Variants in ULK1 observed in about 807,000 individuals in gnomAD.
ULK1 encodes the protein unc-51 like autophagy activating kinase 1, also known as serine/threonine-protein kinase ULK1.
A neutral mutation model predicts 117.5 loss-of-function variants in ULK1; 48 were observed. The ratio of observed to expected loss-of-function variants is 0.41; its 90% CI spans 0.32 to 0.52. The LOEUF (loss-of-function observed/expected upper bound fraction) is 0.52. Among genes scored for constraint, ULK1 ranks in the 20% least tolerant of loss-of-function variants. The pLI, the probability that ULK1 is intolerant of heterozygous loss-of-function variation, is 0.29. For synonymous variants in ULK1, 790 were observed against 637.8 expected, an observed-to-expected ratio of 1.24 and a Z score of -3.60; for missense variants, 1,387 against 1,473.4, an observed-to-expected ratio of 0.94 and a Z score of 0.96.
rs192966310 is a variant in ULK1 at position 131,920,974 on chromosome 12, T to C, written c.2962-126T>C. On this transcript the variant is annotated intron_variant, in intron 26 of 27. Transcript: ENST00000321867. ...GCACAGCAGGCTGCACCAGCACTTA[T>C]GTCTCCACGTCACTGCCCTGAGCGC... is the stretch of plus-strand genomic sequence containing the variant. 1.3e-4 allele frequency: 171 copies of C among 1,318,868 alleles called. No homozygotes were observed. The East Asian group carries it at 1.8e-3, about 14-fold the overall frequency. The allele number at this position is 1,318,868 out of a possible 1,614,324, so 81.7% of individuals were successfully genotyped here.
chr12:131,906,874 C>G lies in ULK1; in HGVS notation c.247-18C>G. On this transcript the variant is annotated intron_variant, in intron 3 of 27. Transcript: ENST00000321867. ...CGGTGGCACTGGGACCTCTCACAGC[C>G]TCTTTTCTGTCTTGCAGGAAATGGC... 3 of 1,614,060 alleles carry G rather than the reference C, an allele frequency of 1.9e-6. No individual in the cohort carries two copies. The highest frequency in any genetic ancestry group is 1.1e-5 in the South Asian group (1 of 91,090).
chr12:131,920,901 A>G, intron 26 of ULK1, 199 bp from the exon 27 acceptor site: 1 of 725,992 alleles, frequency 1.4e-6, no homozygotes, highest in Non-Finnish European at 2.2e-6. Context: ...GGCCAGGGTC[A>G]TCTGGTTCCA....
Position 131,917,438 on chromosome 12 carries a change from T to C in ULK1, c.2210T>C (p.Leu737Pro), listed in dbSNP as rs1233073183. The change falls in exon 22 of 28, where the codon CTG (leucine) becomes CCG (proline). Residue 737 changes from leucine (L) to proline (P), a missense_variant. Physicochemically the swap from Leu to Pro is moderately conservative, Grantham distance 98. Around this residue, in one of 4 missense-constraint regions of ULK1, gnomAD observed 900 missense variants for 858.9 expected, o/e 1.05. Coordinates refer to ENST00000321867, the MANE Select transcript of ULK1 (RefSeq NM_003565.4). ...CCCTCAGCTGGCTTTGGAGGGAGCCTGCACCCAGGAGCCCGTGCTGGGGGC... is the reference window on the plus strand; with the variant it reads ...CCCTCAGCTGGCTTTGGAGGGAGCCCGCACCCAGGAGCCCGTGCTGGGGGC... Reference protein sequence around the residue: ...IAPSAGFGGSLHPGARAGGTS... With the variant: ...IAPSAGFGGSPHPGARAGGTS... 1.9e-6 allele frequency: 3 copies of C among 1,542,056 alleles called. No homozygotes were observed. Among genetic ancestry groups the C allele is most frequent in the Non-Finnish European group, 1.7e-6 (2 of 1,144,886 alleles).
chr12:131,908,515 G>A, intron 5 of ULK1, 129 bp from the exon 6 acceptor site: 1 of 1,183,418 alleles, frequency 8.5e-7, no homozygotes, highest in Non-Finnish European at 1.1e-6. Flanking sequence ...TCCTGACCCG[G>A]GGTTTCCTCC....
At chr12:131,919,617 A>G (rs1890059049) in intron 25 of ULK1, 27 bp downstream of exon 25, 2 of 1,605,032 alleles carry the variant, frequency 1.2e-6, no homozygotes, top group South Asian at 1.1e-5. Context: ...CTCAGCCCAC[A>G]TGCCGGGTTG....
In ULK1 at chr12:131,906,664, A is replaced by T. The variant is rs1427616430; in HGVS notation, c.247-228A>T. On this transcript the variant is annotated intron_variant, in intron 3 of 27. Transcript: ENST00000321867. The stretch of plus-strand genomic sequence containing the variant: ...CAGGAGCTGTTGCTCTTATGGGGGG[A>T]CCAGGGGCCTTTGCCTTGATCAGAT... 9.4e-4 allele frequency: 557 copies of T among 594,240 alleles called. 4 individuals carry two copies. Among genetic ancestry groups the T allele is most frequent in the Middle Eastern group, 4.5e-4 (1 of 2,214 alleles). The allele number at this position is 594,240 out of a possible 1,614,324, so 36.8% of individuals were successfully genotyped here.
chr12:131,895,747 C>G (rs748659954), intron 2 of ULK1, 36 bp from the exon 3 acceptor site: 1 of 1,613,792 alleles, frequency 6.2e-7, no homozygotes, highest in Non-Finnish European at 8.5e-7. Context: ...AAGCCCCCCT[C>G]CCCACACTGA....
rs1361343352 is a variant in ULK1 at position 131,910,287 on chromosome 12, G to A, written c.842G>A (p.Ser281Asn). The A allele has an allele frequency of 6.2e-7, 1 of 1,613,800 alleles. No individual in the cohort carries two copies. The highest frequency in any genetic ancestry group is 8.5e-7 in the Non-Finnish European group (1 of 1,179,990). Reference sequence around the variant, plus strand: ...TTTCATCACCCTTTCCTCGATGCCAGCCCCTCGGTCAGGAAATGTGAGTTT... The same window carrying A: ...TTTCATCACCCTTTCCTCGATGCCAACCCCTCGGTCAGGAAATGTGAGTTT... ...EFFHHPFLDA[S>N]PSVRKSPPVP... The change falls in exon 11 of 28, where the codon AGC (serine) becomes AAC (asparagine). Residue 281 changes from serine (S) to asparagine (N), a missense_variant. Transcript: ENST00000321867.
In ULK1 at chr12:131,916,419, C is replaced by G; in HGVS notation, c.1900C>G (p.Pro634Ala). The change falls in exon 20 of 28, where the codon CCG becomes GCG. Residue 634 changes from proline (P) to alanine (A), a missense_variant. Physicochemically the swap from Pro to Ala is conservative, Grantham distance 27. Around this residue, in one of 4 missense-constraint regions of ULK1, gnomAD observed 900 missense variants for 858.9 expected, o/e 1.05. Transcript: ENST00000321867. ...PTKAVPSFDF[P>A]KTPSSQNLLA... ...CTAGGCTGTGCCCTCCTTTGACTTC[C>G]CGAAGACCCCCAGCTCCCAGAACCT... The G allele has an allele frequency of 6.3e-7, 1 of 1,590,742 alleles. No individual in the cohort carries two copies. The highest frequency in any genetic ancestry group is 8.6e-7 in the Non-Finnish European group (1 of 1,168,944).
chr12:131,917,461 G>GCT lies in ULK1; in HGVS notation c.2233_2234insCT (p.Gly745AlafsTer80). 6.5e-7 allele frequency: 1 copy of GCT among 1,530,988 alleles called. No homozygotes were observed. The highest frequency in any genetic ancestry group is 8.8e-7 in the Non-Finnish European group (1 of 1,139,808). 94.8% of individuals were successfully genotyped at this position (1,530,988 alleles called of 1,614,324 possible). ...CCTGCACCCAGGAGCCCGTGCTGGG[G>GCT]GCACCAGCAGCCCTTCCCCGGTGGT... On this transcript the variant is annotated frameshift_variant, in exon 22 of 28. Transcript: ENST00000321867. LOFTEE classifies it high-confidence loss of function.
In ULK1 at chr12:131,918,654, C is replaced by T. The variant is rs748075064; in HGVS notation, c.2484C>T (p.Pro828=). Reference sequence around the variant, plus strand: ...AGGGGGCTGTGACCTTCGAGGCCCCCGACCTCCCTGAGGAGACCCTCATGG... The same window carrying T: ...AGGGGGCTGTGACCTTCGAGGCCCCTGACCTCCCTGAGGAGACCCTCATGG... The part of the protein sequence containing the change: ...NLEGAVTFEA[P]DLPEETLMEQ... Residue 828 remains proline (P), a synonymous_variant, in exon 23 of 28, where the codon CCC becomes CCT. Transcript: ENST00000321867. 73 of 1,605,048 alleles carry T rather than the reference C, an allele frequency of 4.5e-5. No individual in the cohort carries two copies. In the East Asian group the frequency reaches 9.9e-4, roughly 22 times the overall value.
At position 131,917,059 on chromosome 12, in the gene ULK1, A is replaced by ATCG. The variant is rs1452994689; in HGVS notation, c.2180_2182dup (p.Ile727_Ala728insVal). The ATCG allele has an allele frequency of 8.1e-7, 1 of 1,237,792 alleles. No individual in the cohort carries two copies. Among genetic ancestry groups the ATCG allele is most frequent in the African/African-American group, 2.5e-5 (1 of 40,216 alleles). 76.7% of individuals were successfully genotyped at this position (1,237,792 alleles called of 1,614,324 possible). On this transcript the variant is annotated inframe_insertion, in exon 21 of 28. Transcript: ENST00000321867. ...GAGCCTGCAGGAGAAGCCCATGGAG[A>ATCG]TCGGTGTGTGGGTGGGTGGGGCTCG...
intron 15 of ULK1, 25 bp downstream of exon 15, chr12:131,913,861 G>C: frequency 6.7e-7 from 1 of 1,488,390 alleles, no homozygotes. Context: ...AGGCTGGGTG[G>C]ATGGGGCTGT....
rs749305256 is a variant in ULK1, at chr12:131,916,591, G to A, written c.2072G>A (p.Arg691Gln). 50 of 1,572,770 alleles carry A rather than the reference G, an allele frequency of 3.2e-5. No homozygotes were observed. Among genetic ancestry groups the A allele is most frequent in the South Asian group, 4.5e-5 (4 of 88,410 alleles). Reference sequence around the variant, plus strand: ...GAGGACCCCAAGGGCCCCTTTGGCCGGTGAGTTGAGGGGACAGGCCTTGGA... The same window carrying A: ...GAGGACCCCAAGGGCCCCTTTGGCCAGTGAGTTGAGGGGACAGGCCTTGGA... ...PGEDPKGPFG[R>Q]SFSTSRLTDL... The change falls in exon 20 of 28, where the codon CGG (arginine) becomes CAG (glutamine). Residue 691 changes from arginine (R) to glutamine (Q), a missense_variant and splice_region_variant. Physicochemically the swap from Arg to Gln is conservative, Grantham distance 43. Transcript: ENST00000321867.
chr12:131,908,594 C>A, intron 5 of ULK1, 50 bp from the exon 6 acceptor site: 1 of 1,436,006 alleles, frequency 7.0e-7, no homozygotes, highest in South Asian at 1.5e-5. Context: ...GGGACTCACC[C>A]CTGGGGGAGG....
At chr12:131,906,782 A>G in intron 3 of ULK1, 110 bp from the exon 4 acceptor site, 1 of 1,373,664 alleles carries the variant, frequency 7.3e-7, no homozygotes, top group South Asian at 1.2e-5. Flanking sequence ...CTGACCAGCT[A>G]AGTCCTGGCA....
In ULK1 at chr12:131,902,145, C is replaced by G. The variant is rs1162540699; in HGVS notation, c.247-4747C>G. ...TCCCCAGGGCCAGAGGGTGGCCCTT[C>G]CTTCTTAGGGTGGAGCCGGCATCCC... is the stretch of plus-strand genomic sequence containing the variant. On this transcript the variant is annotated intron_variant, in intron 3 of 27. Transcript: ENST00000321867. This position sits in a 1 kb window ranked among gnomAD's most constrained non-coding sequence, Gnocchi z 6.3. Among the ~76,000 whole-genome samples the G allele has an allele frequency of 1.3e-5, 2 of 152,176 alleles. No homozygotes were observed. Among genetic ancestry groups the G allele is most frequent in the Non-Finnish European group, 2.9e-5 (2 of 68,012 alleles).
chr12:131,917,414 C>G lies in ULK1; in HGVS notation c.2186C>G (p.Pro729Arg). The change falls in exon 22 of 28, where the codon CCC becomes CGC. Residue 729 changes from proline to arginine, a missense_variant. Pro to Arg is a moderately radical substitution (Grantham distance 103). Transcript: ENST00000321867. ...GAGCCCTTCCTTGCTCTCCCAGCAC[C>G]CTCAGCTGGCTTTGGAGGGAGCCTG... ...SLQEKPMEIA[P>R]SAGFGGSLHP... The G allele has an allele frequency of 3.3e-6, 5 of 1,519,240 alleles. No homozygotes were observed. The highest frequency in any genetic ancestry group is 1.9e-4 in the Middle Eastern group (1 of 5,234). 94.1% of individuals were successfully genotyped at this position (1,519,240 alleles called of 1,614,324 possible).
intron 12 of ULK1, among the ~76,000 whole-genome samples, chr12:131,911,244 T>C (rs1408337110): frequency 6.6e-6 from 1 of 152,156 alleles, no homozygotes; most frequent in Non-Finnish European, 1.5e-5. Context: ...CGTCCCTCTG[T>C]CCATCTGACT....
Sources: allele counts gnomAD v4.1 joint callset (sites outside exome capture counted in the v4.1 genomes callset), GRCh38; gene constraint gnomAD v4.1.1; regional missense constraint gnomAD v4.1.1; non-coding constraint Gnocchi (gnomAD v3.1); transcripts MANE v1.5; gene names NCBI Gene and HGNC (gene_info 2026-07-23, HGNC 2026-07-21).